WDR55: variants seen among roughly 807,000 people sequenced by gnomAD.
The protein encoded by WDR55 is WD repeat-containing protein 55.
A neutral mutation model predicts 34.0 loss-of-function variants in WDR55; 31 were observed. That is an observed-to-expected ratio of 0.91 (90% CI 0.69 to 1.23). WDR55 has a LOEUF of 1.23. Ranked by LOEUF, WDR55 falls within the 50% of genes most tolerant of loss-of-function variation. WDR55 has a pLI of 0.00. For synonymous variants in WDR55, 164 were observed against 185.9 expected (o/e 0.88, Z 0.96); for missense variants, 440 against 494.6 (o/e 0.89, Z 1.05).
rs187873363 is a variant in WDR55, at chr5:140,672,335, A to C, written c.*2681A>C. 2.4e-5 allele frequency: 29 copies of C among 1,232,078 alleles called. No homozygotes were observed. In the East Asian group the frequency reaches 7.6e-4, roughly 32 times the overall value. The allele number at this position is 1,232,078 out of a possible 1,614,324, so 76.3% of individuals were successfully genotyped here. A position where few individuals can be genotyped will look rare whatever the true frequency, so the allele number is the denominator to read the frequency against. On this transcript the variant is annotated 3_prime_UTR_variant, in exon 7 of 7. Coordinates refer to ENST00000358337, the MANE Select transcript of WDR55 (RefSeq NM_017706.5). ...CTGAGATCAAATAGTAAAAGGTTGC[A>C]AATTCTGGCATGTTTGACTCTAAGA...
chr5:140,671,221 C>G lies in WDR55; in HGVS notation c.*1567C>G, dbSNP rs1387952182. The stretch of plus-strand genomic sequence containing the variant: ...CTTTGGGGGTCAGAAAGTGGCCACC[C>G]AGGCCTGCTGGGATGGGGCCTGACA... On this transcript the variant is annotated 3_prime_UTR_variant, in exon 7 of 7. Transcript: ENST00000358337. The G allele has an allele frequency of 3.1e-6, 5 of 1,601,008 alleles. No individual in the cohort carries two copies. Among genetic ancestry groups the G allele is most frequent in the Non-Finnish European group, 4.3e-6 (5 of 1,171,026 alleles).
Position 140,672,325 on chromosome 5 carries a change from A to G in WDR55, c.*2671A>G, listed in dbSNP as rs1299570878. 4.5e-5 allele frequency: 49 copies of G among 1,099,236 alleles called. No individual in the cohort carries two copies. Among genetic ancestry groups the G allele is most frequent in the South Asian group, 3.7e-4 (26 of 70,962 alleles). 68.1% of individuals were successfully genotyped at this position (1,099,236 alleles called of 1,614,324 possible). A position where few individuals can be genotyped will look rare whatever the true frequency, so the allele number is the denominator to read the frequency against. On this transcript the variant is annotated 3_prime_UTR_variant, in exon 7 of 7. Transcript: ENST00000358337. ...TTTTAAAAATCTGAGATCAAATAGT[A>G]AAAGGTTGCAAATTCTGGCATGTTT...
rs1194829596 is a variant in WDR55 at position 140,669,844 on chromosome 5, T to G, written c.*190T>G. ...CCCAGGCTCAGATTGTCCTTCCACCTTAGCCTCTGGAGCAGCTGGGACTAC... is the reference window on the plus strand; with the variant it reads ...CCCAGGCTCAGATTGTCCTTCCACCGTAGCCTCTGGAGCAGCTGGGACTAC... On this transcript the variant is annotated 3_prime_UTR_variant, in exon 7 of 7. Transcript: ENST00000358337. The G allele has an allele frequency of 8.0e-6, 5 of 627,570 alleles. No homozygotes were observed. The highest frequency in any genetic ancestry group is 3.7e-5 in the African/African-American group (2 of 53,996). The allele number at this position is 627,570 out of a possible 1,614,324, so 38.9% of individuals were successfully genotyped here.
At position 140,668,642 on chromosome 5, in the gene WDR55, TG is replaced by T. The variant is rs762447588; in HGVS notation, c.412del (p.Glu138ArgfsTer24). On this transcript the variant is annotated frameshift_variant, in exon 4 of 7. Transcript: ENST00000358337. LOFTEE classifies it high-confidence loss of function. ...APINSLLLVDENVLATGDDTG... is the reference protein window; with the variant it reads ...APINSLLLVDXNVLATGDDTG... The stretch of plus-strand genomic sequence containing the variant: ...CCATCAATAGTCTTCTGCTGGTGGA[TG>T]AGAATGTTCTGGCCACTGGGGATGA... 8.6e-5 allele frequency: 139 copies of T among 1,612,020 alleles called. No homozygotes were observed. The highest frequency in any genetic ancestry group is 1.1e-4 in the Non-Finnish European group (135 of 1,178,292).
At position 140,671,130 on chromosome 5, in the gene WDR55, C is replaced by T. The variant is rs550863751; in HGVS notation, c.*1476C>T. Reference sequence around the variant, plus strand: ...CAACTTAACCCAAACCTAAGCTGCCCCCAGGTGCCATAGGTCCCTGTCCCA... The same window carrying T: ...CAACTTAACCCAAACCTAAGCTGCCTCCAGGTGCCATAGGTCCCTGTCCCA... On this transcript the variant is annotated 3_prime_UTR_variant, in exon 7 of 7. Coordinates refer to ENST00000358337, the MANE Select transcript of WDR55 (RefSeq NM_017706.5). 17 of 886,958 alleles carry T rather than the reference C, an allele frequency of 1.9e-5. No individual in the cohort carries two copies. The highest frequency in any genetic ancestry group is 2.6e-5 in the East Asian group (1 of 37,764). The allele number at this position is 886,958 out of a possible 1,614,324, so 54.9% of individuals were successfully genotyped here.
chr5:140,668,678 T>G lies in WDR55; in HGVS notation c.447T>G (p.Gly149=). The change falls in exon 4 of 7, where the codon GGT becomes GGG. Residue 149 remains glycine, a synonymous_variant. Coordinates refer to ENST00000358337, the MANE Select transcript of WDR55 (RefSeq NM_017706.5). The stretch of plus-strand genomic sequence containing the variant: ...TGGCCACTGGGGATGACACAGGTGG[T>G]ATCTGTCTCTGGGACCAGCGGAAGG... The part of the protein sequence containing the change: ...NVLATGDDTG[G]ICLWDQRKEG... 6.2e-7 allele frequency: 1 copy of G among 1,614,188 alleles called. No homozygotes were observed. Among genetic ancestry groups the G allele is most frequent in the Non-Finnish European group, 8.5e-7 (1 of 1,180,020 alleles).
rs746550288 is a variant in WDR55 at position 140,671,243 on chromosome 5, G to A, written c.*1589G>A. 1 of 1,609,110 alleles carries A rather than the reference G, an allele frequency of 6.2e-7. No homozygotes were observed. The highest frequency in any genetic ancestry group is 8.5e-7 in the Non-Finnish European group (1 of 1,177,534). ...ACCCAGGCCTGCTGGGATGGGGCCT[G>A]ACACAGGCTCTGCATGCCCATTCAG... On this transcript the variant is annotated 3_prime_UTR_variant, in exon 7 of 7. Coordinates refer to ENST00000358337, the MANE Select transcript of WDR55 (RefSeq NM_017706.5).
chr5:140,666,429 A>G (rs956909072), intron 1 of WDR55: 1 of 161,688 alleles, frequency 6.2e-6, no homozygotes, highest in Non-Finnish European at 1.3e-5. Flanking sequence ...GCCCATTTGC[A>G]TGTGCTATTC....
chr5:140,665,052 A>G lies in WDR55; in HGVS notation c.140A>G (p.His47Arg). Residue 47 changes from histidine to arginine, a missense_variant, in exon 1 of 7, where the codon CAT (histidine) becomes CGT (arginine). Physicochemically the swap from His to Arg is conservative, Grantham distance 29. Coordinates refer to ENST00000358337, the MANE Select transcript of WDR55 (RefSeq NM_017706.5). Reference protein sequence around the residue: ...LEAPASGLAFHPARDLLAAGD... With the variant: ...LEAPASGLAFRPARDLLAAGD... ...GCTCCGGCTAGTGGGCTGGCGTTCC[A>G]TCCGGCCCGTGACCTACTGGCTGCA... 6.2e-7 allele frequency: 1 copy of G among 1,613,034 alleles called. No homozygotes were observed. The highest frequency in any genetic ancestry group is 8.5e-7 in the Non-Finnish European group (1 of 1,179,258).
In WDR55 at chr5:140,671,352, A is replaced by T; in HGVS notation, c.*1698A>T. On this transcript the variant is annotated 3_prime_UTR_variant, in exon 7 of 7. Transcript: ENST00000358337. ...GCAGACCACAGGAGGTTGGCCCCAG[A>T]CTCACTGAGTGCCTGCAGCAGCCGT... is the stretch of plus-strand genomic sequence containing the variant. The T allele has an allele frequency of 6.2e-7, 1 of 1,612,712 alleles. No individual in the cohort carries two copies. Among genetic ancestry groups the T allele is most frequent in the Non-Finnish European group, 8.5e-7 (1 of 1,179,886 alleles).
rs34069692 is a variant in WDR55, at chr5:140,669,901, G to GTTT, written c.*257_*259dup. 24 of 315,556 alleles carry GTTT rather than the reference G, an allele frequency of 7.6e-5. No individual in the cohort carries two copies. The highest frequency in any genetic ancestry group is 1.0e-4 in the South Asian group (2 of 19,414). 19.5% of individuals were successfully genotyped at this position (315,556 alleles called of 1,614,324 possible). A position where few individuals can be genotyped will look rare whatever the true frequency, so the allele number is the denominator to read the frequency against. ...GCACTACCACACCAGGCCAATTTTT[G>GTTT]TTTTTTTTTTTTGGTAGAAACGGGT... is the stretch of plus-strand genomic sequence containing the variant. On this transcript the variant is annotated 3_prime_UTR_variant, in exon 7 of 7. Coordinates refer to ENST00000358337, the MANE Select transcript of WDR55 (RefSeq NM_017706.5).
At chr5:140,666,146 C>T (rs1757917616) in intron 1 of WDR55, among the ~76,000 whole-genome samples, 1 of 152,166 alleles carries the variant, frequency 6.6e-6, no homozygotes, top group Admixed American at 6.5e-5. Flanking sequence ...CCTGTAATCC[C>T]AGCACTTTGG....
chr5:140,668,366 G>A (rs112617106), intron 2 of WDR55, 32 bp downstream of exon 2: 31 of 1,614,216 alleles, frequency 1.9e-5, no homozygotes, highest in Middle Eastern at 1.6e-4. Flanking sequence ...CAGCAATGTG[G>A]TGGAAGGGAG....
At chr5:140,666,356 A>AT (rs1757923821) in intron 1 of WDR55, among the ~76,000 whole-genome samples, 1 of 152,194 alleles carries the variant, frequency 6.6e-6, no homozygotes, top group South Asian at 2.1e-4. Flanking sequence ...AGATCGTGCC[A>AT]TTGCACTCCA....
chr5:140,669,237 T>C lies in WDR55; in HGVS notation c.819T>C (p.Asp273=). Residue 273 remains aspartate, a synonymous_variant, in exon 6 of 7, where the codon GAT becomes GAC. Transcript: ENST00000358337. ...GTCTGCTGTGTACTGGCTCCACTGA[T>C]GGAGTCATCAGGTGAGGGAAGCCTG... is the stretch of plus-strand genomic sequence containing the variant. ...TESLLCTGST[D]GVIRAVNILP... is the part of the protein sequence containing the mutation. 2 of 1,613,482 alleles carry C rather than the reference T, an allele frequency of 1.2e-6. No individual in the cohort carries two copies. The highest frequency in any genetic ancestry group is 1.7e-6 in the Non-Finnish European group (2 of 1,179,974).
At position 140,668,745 on chromosome 5, in the gene WDR55, G is replaced by A. The variant is rs749677633; in HGVS notation, c.514G>A (p.Ala172Thr). Residue 172 changes from alanine to threonine, a missense_variant, in exon 4 of 7, where the codon GCA (alanine) becomes ACA (threonine). Coordinates refer to ENST00000358337, the MANE Select transcript of WDR55 (RefSeq NM_017706.5). ...TATGAGGCAACATGAAGAGTACATC[G>A]CAGACATGGCTCTGGATCCAGCCAA... ...MDMRQHEEYI[A>T]DMALDPAKKL... is the part of the protein sequence containing the mutation. The A allele has an allele frequency of 2.2e-5, 35 of 1,614,058 alleles. No individual in the cohort carries two copies. Among genetic ancestry groups the A allele is most frequent in the South Asian group, 8.8e-5 (8 of 91,084 alleles).
Position 140,671,763 on chromosome 5 carries a change from T to G in WDR55, c.*2109T>G. The G allele has an allele frequency of 6.4e-7, 1 of 1,561,334 alleles. No individual in the cohort carries two copies. The highest frequency in any genetic ancestry group is 1.2e-5 in the South Asian group (1 of 84,756). ...AGGTGTGACTGCCCTGTAGGAAAAA[T>G]GCAAAGACAAGGGCAGGTCTAAACC... On this transcript the variant is annotated 3_prime_UTR_variant, in exon 7 of 7. Coordinates refer to ENST00000358337, the MANE Select transcript of WDR55 (RefSeq NM_017706.5).
intron 1 of WDR55, chr5:140,666,517 C>G (rs2149811323): frequency 3.2e-6 from 2 of 615,410 alleles, no homozygotes. Flanking sequence ...TCCTCTCTCC[C>G]CAGACTAAAA....
chr5:140,669,627 G>T lies in WDR55; in HGVS notation c.1125G>T (p.Lys375Asn). 3 of 1,613,782 alleles carry T rather than the reference G, an allele frequency of 1.9e-6. No homozygotes were observed. The highest frequency in any genetic ancestry group is 2.5e-6 in the Non-Finnish European group (3 of 1,179,804). Residue 375 changes from lysine (K) to asparagine (N), a missense_variant, in exon 7 of 7, where the codon AAG (lysine) becomes AAT (asparagine). Physicochemically the swap from Lys to Asn is moderately conservative, Grantham distance 94 (BLOSUM62 0). Coordinates refer to ENST00000358337, the MANE Select transcript of WDR55 (RefSeq NM_017706.5). ...AAGACTCCATGGCTCAGGAAGAAAA[G>T]GAGGAGACTGGGGATGACAGTGACT... Reference protein sequence around the residue: ...EGEDSMAQEEKEETGDDSD With the variant: ...EGEDSMAQEENEETGDDSD
Sources: allele counts gnomAD v4.1 joint callset (sites outside exome capture counted in the v4.1 genomes callset), GRCh38; gene constraint gnomAD v4.1.1; transcripts MANE v1.5; gene names NCBI Gene and HGNC (gene_info 2026-07-23, HGNC 2026-07-21).